Variants in ACO2 observed in about 807,000 individuals in gnomAD.
ACO2 encodes aconitase 2.
In ACO2, 31 loss-of-function variants were observed where a neutral mutation model predicts 84.5. That is an observed-to-expected ratio of 0.37 (90% CI 0.28 to 0.50). The LOEUF is 0.50. Among genes scored for constraint, ACO2 ranks in the 20% least tolerant of loss-of-function variants. The probability of loss-of-function intolerance (pLI) is 0.97; values close to 1 mark genes in which losing one functional copy is unlikely to be tolerated. For missense variants in ACO2, 685 were observed against 1,029.3 expected (o/e 0.67, Z 4.58); for synonymous variants, 414 against 412.7 (o/e 1.00, Z -0.04).
In ACO2 at chr22:41,471,384, G is replaced by A. The variant is rs1601872398; in HGVS notation, c.36+2202G>A. Among the ~76,000 whole-genome samples, 3 of 152,250 alleles carry A rather than the reference G, an allele frequency of 2.0e-5. No homozygotes were observed. The South Asian group carries it at 6.2e-4, about 32-fold the overall frequency. On this transcript the variant is annotated intron_variant, in intron 1 of 17. Coordinates refer to ENST00000216254, the MANE Select transcript of ACO2 (RefSeq NM_001098.3). ...CTGTCTCAAATAACCAACTAACACG[G>A]TTTCTCTGAGAAGCTTGTATATTTA... is the stretch of plus-strand genomic sequence containing the variant.
At chr22:41,490,178 C>G (rs1035756885) in intron 1 of ACO2, among the ~76,000 whole-genome samples, 1 of 152,078 alleles carries the variant, frequency 6.6e-6, no homozygotes, top group African/African-American at 2.4e-5. Context: ...CAAAAATTAG[C>G]TGGGCGTGGT....
chr22:41,475,041 C>T lies in ACO2; in HGVS notation c.36+5859C>T, dbSNP rs750012103. Among the ~76,000 whole-genome samples, 18 of 150,912 alleles carry T rather than the reference C, an allele frequency of 1.2e-4. 1 individual carries two copies. Among genetic ancestry groups the T allele is most frequent in the East Asian group, 5.8e-4 (3 of 5,148 alleles). ...CTTACCCAGGGGCCCTCACTTGAGTCGAGTATGAGCATATTGTCTCATGTG... is the reference window on the plus strand; with the variant it reads ...CTTACCCAGGGGCCCTCACTTGAGTTGAGTATGAGCATATTGTCTCATGTG... On this transcript the variant is annotated intron_variant, in intron 1 of 17. Transcript: ENST00000216254.
chr22:41,518,023 C>T (rs1278570857), intron 7 of ACO2, among the ~76,000 whole-genome samples: 2 of 152,214 alleles, frequency 1.3e-5, no homozygotes, highest in Non-Finnish European at 2.9e-5. Flanking sequence ...GAACCACTTT[C>T]CCAGCCTCCC....
rs763790147 is a variant in ACO2 at position 41,515,584 on chromosome 22, G to A, written c.684+49G>A. On this transcript the variant is annotated intron_variant, in intron 5 of 17. Coordinates refer to ENST00000216254, the MANE Select transcript of ACO2 (RefSeq NM_001098.3). The surrounding 1 kb of genome is among the most constrained non-coding windows in gnomAD (Gnocchi z 5.8). ...CTGGGCTGGCTGTGGGGTGGTGGTT[G>A]GTGGGGATGAACGGGAGACGGTGGG... is the stretch of plus-strand genomic sequence containing the variant. 1.3e-6 allele frequency: 2 copies of A among 1,583,970 alleles called. No individual in the cohort carries two copies. Among genetic ancestry groups the A allele is most frequent in the Non-Finnish European group, 1.7e-6 (2 of 1,163,706 alleles).
At chr22:41,477,583 C>T (rs2038033793) in intron 1 of ACO2, among the ~76,000 whole-genome samples, 1 of 152,110 alleles carries the variant, frequency 6.6e-6, no homozygotes, top group Non-Finnish European at 1.5e-5. Flanking sequence ...CTTCAGTTTC[C>T]TCATCCATTA....
At chr22:41,527,174 C>T in intron 15 of ACO2, 114 bp from the exon 16 acceptor site, 1 of 1,520,362 alleles carries the variant, frequency 6.6e-7, no homozygotes, top group Non-Finnish European at 9.0e-7. Context: ...AGCCCCTTTA[C>T]CGGGAGCCTC....
intron 16 of ACO2, 37 bp downstream of exon 16, chr22:41,527,457 A>G (rs2066624971): frequency 6.4e-7 from 1 of 1,574,520 alleles, no homozygotes; most frequent in African/African-American, 1.3e-5. Context: ...TCCTCATCCC[A>G]TCCCTAGTGA....
In ACO2 at chr22:41,469,303, C is replaced by T; in HGVS notation, c.36+121C>T. The T allele has an allele frequency of 3.2e-6, 4 of 1,245,004 alleles. No homozygotes were observed. In the South Asian group the frequency reaches 6.1e-5, roughly 19 times the overall value. 77.1% of individuals were successfully genotyped at this position (1,245,004 alleles called of 1,614,324 possible). A position where few individuals can be genotyped will look rare whatever the true frequency, so the allele number is the denominator to read the frequency against. On this transcript the variant is annotated intron_variant, in intron 1 of 17. Transcript: ENST00000216254. Reference sequence around the variant, plus strand: ...GGGGCCAACTTCTCGTGTACCTGTCCCGGTTGTGGGCCCGGCACCCGTGCC... The same window carrying T: ...GGGGCCAACTTCTCGTGTACCTGTCTCGGTTGTGGGCCCGGCACCCGTGCC...
In ACO2 at chr22:41,474,801, C is replaced by T. The variant is rs377108821; in HGVS notation, c.36+5619C>T. 1.5e-3 allele frequency among the ~76,000 whole-genome samples: 213 copies of T among 145,426 alleles called. 2 individuals are homozygous for T. Among genetic ancestry groups the T allele is most frequent in the African/African-American group, 5.0e-3 (197 of 39,312 alleles). On this transcript the variant is annotated intron_variant, in intron 1 of 17. Coordinates refer to ENST00000216254, the MANE Select transcript of ACO2 (RefSeq NM_001098.3). ...TATTTTTAGTAGAGACAGGGTTTCA[C>T]TATTAGCCGGGATGGTCTCGATCTC...
At chr22:41,519,585 C>A (rs2066505267) in intron 8 of ACO2, among the ~76,000 whole-genome samples, 1 of 152,098 alleles carries the variant, frequency 6.6e-6, no homozygotes, top group South Asian at 2.1e-4. Context: ...GCGGGCAGAT[C>A]ATGAGGTCAG....
chr22:41,510,482 A>T (rs528132119), intron 3 of ACO2, among the ~76,000 whole-genome samples: 66 of 152,332 alleles, frequency 4.3e-4, no homozygotes, highest in African/African-American at 1.6e-3. Context: ...GTGGGCCTTC[A>T]GAGGGCACAC....
At chr22:41,469,411 C>T (rs539016366) in intron 1 of ACO2, 101 of 477,632 alleles carry the variant, frequency 2.1e-4, no homozygotes, top group Non-Finnish European at 3.4e-4. Context: ...GAAGCGTGGG[C>T]CCAAGCAGCG....
rs1033538492 is a variant in ACO2, at chr22:41,522,897, G to A, written c.1206G>A (p.Gln402=). The A allele has an allele frequency of 1.2e-6, 2 of 1,614,110 alleles. No individual in the cohort carries two copies. The highest frequency in any genetic ancestry group is 2.7e-5 in the African/African-American group (2 of 74,948). ...DMGRSAAVAK[Q]ALAHGLKCKS... Reference sequence around the variant, plus strand: ...GGCGCTCAGCAGCTGTGGCCAAGCAGGCACTGGCCCATGGCCTCAAGTGCA... The same window carrying A: ...GGCGCTCAGCAGCTGTGGCCAAGCAAGCACTGGCCCATGGCCTCAAGTGCA... Residue 402 remains glutamine (Q), a synonymous_variant, in exon 10 of 18, where the codon CAG becomes CAA. Transcript: ENST00000216254.
chr22:41,506,572 G>C (rs561715460), intron 2 of ACO2, among the ~76,000 whole-genome samples: 1 of 152,108 alleles, frequency 6.6e-6, no homozygotes, highest in South Asian at 2.1e-4. Context: ...TTTTTATAGA[G>C]ACAAGGTCTC....
At chr22:41,520,106 G>A in intron 8 of ACO2, 65 bp from the exon 9 acceptor site, 1 of 1,425,914 alleles carries the variant, frequency 7.0e-7, no homozygotes, top group Non-Finnish European at 9.8e-7. Context: ...CAGTGAAAGA[G>A]GCTGTCCCCG....
intron 1 of ACO2, 123 bp downstream of exon 1, chr22:41,469,305 G>A (rs1296342840): frequency 1.6e-6 from 2 of 1,223,982 alleles, no homozygotes; most frequent in Non-Finnish European, 2.2e-6. Context: ...TACCTGTCCC[G>A]GTTGTGGGCC....
intron 1 of ACO2, among the ~76,000 whole-genome samples, chr22:41,483,633 G>A (rs888042145): frequency 1.3e-5 from 2 of 151,706 alleles, no homozygotes; most frequent in African/African-American, 2.4e-5. Flanking sequence ...TTCCAGCATG[G>A]GCGACAGAGT....
intron 1 of ACO2, among the ~76,000 whole-genome samples, chr22:41,490,867 C>T (rs1348776197): frequency 6.6e-6 from 1 of 151,908 alleles, no homozygotes; most frequent in Non-Finnish European, 1.5e-5. Flanking sequence ...ATTTATGTAA[C>T]ACCTCCTGTG....
intron 9 of ACO2, among the ~76,000 whole-genome samples, chr22:41,521,035 CAAAAAAAAAAAAA>C (rs375633363): frequency 6.2e-4 from 51 of 81,624 alleles, no homozygotes; most frequent in African/African-American, 3.6e-3. Flanking sequence ...AGCCTGCCTC[CAAAAAAAAAAAAA>C]AAAAAAAAAA....
Sources: allele counts gnomAD v4.1 joint callset (sites outside exome capture counted in the v4.1 genomes callset), GRCh38; gene constraint gnomAD v4.1.1; non-coding constraint Gnocchi (gnomAD v3.1); transcripts MANE v1.5; gene names NCBI Gene and HGNC (gene_info 2026-07-23, HGNC 2026-07-21).